HMCN2: variants seen among roughly 807,000 people sequenced by gnomAD.
HMCN2 encodes hemicentin 2.
A neutral mutation model predicts 377.5 loss-of-function variants in HMCN2; 325 were observed. The observed-to-expected ratio is 0.86, with a 90% CI of 0.79 to 0.94. The LOEUF (loss-of-function observed/expected upper bound fraction) is 0.94. Among genes scored for constraint, HMCN2 ranks in the 40% least tolerant of loss-of-function variants. The pLI is 0.00. For missense variants in HMCN2, 4,543 were observed against 4,725.3 expected, an observed-to-expected ratio of 0.96 and a Z score of 1.13; for synonymous variants, 2,007 against 2,046.8, an observed-to-expected ratio of 0.98 and a Z score of 0.53.
chr9:130,409,241 ATGT>A (rs551367372), intron 84 of HMCN2, among the ~76,000 whole-genome samples: 167 of 152,320 alleles, frequency 1.1e-3, no homozygotes, highest in African/African-American at 3.8e-3. Flanking sequence ...TGCCTCCAAA[ATGT>A]TGTTATTAAC....
chr9:130,285,392 C>G, intron 3 of HMCN2, 76 bp downstream of exon 3: 1 of 447,572 alleles, frequency 2.2e-6, no homozygotes, highest in Non-Finnish European at 4.6e-6. Flanking sequence ...CTCTCACCAC[C>G]TGAGCCACCT....
Position 130,303,537 on chromosome 9 carries a change from A to G in HMCN2, c.1472A>G (p.Glu491Gly). The change falls in exon 10 of 98, where the codon GAG becomes GGG. Residue 491 changes from glutamate (E) to glycine (G), a missense_variant. Glu to Gly is a moderately conservative substitution (Grantham distance 98). Transcript: ENST00000683500. The surrounding 1 kb of genome is among the most constrained non-coding windows in gnomAD (Gnocchi z 5.2). ...ATCCTGCGGGCCTCCAAGGCCGAGG[A>G]GGGCACGTACGAGTGCACAGCCGTC... Reference protein sequence around the residue: ...WEILRASKAEEGTYECTAVSR... With the variant: ...WEILRASKAEGGTYECTAVSR... 2.3e-6 allele frequency: 1 copy of G among 433,196 alleles called. No individual in the cohort carries two copies. The highest frequency in any genetic ancestry group is 4.8e-6 in the Non-Finnish European group (1 of 207,348). 26.8% of individuals were successfully genotyped at this position (433,196 alleles called of 1,614,324 possible).
chr9:130,430,074 G>T, intron 94 of HMCN2: 1 of 612,416 alleles, frequency 1.6e-6, no homozygotes. Context: ...TGAGAGCTGG[G>T]GAGGCTGGGC....
intron 57 of HMCN2, among the ~76,000 whole-genome samples, chr9:130,383,856 G>A (rs1293972999): frequency 6.6e-6 from 1 of 152,202 alleles, no homozygotes; most frequent in Non-Finnish European, 1.5e-5. Flanking sequence ...CTGTGTACCT[G>A]ACACGAGGCT....
rs1840809525 is a variant in HMCN2 at position 130,368,326 on chromosome 9, G to A, written c.6676G>A (p.Gly2226Arg). ...TGGCCTCCAGCACGTGTCGGCTGTGGGGAGGCTGTTGTACCTGGGACAGGC... is the reference window on the plus strand; with the variant it reads ...TGGCCTCCAGCACGTGTCGGCTGTGAGGAGGCTGTTGTACCTGGGACAGGC... The part of the protein sequence containing the change: ...GAGLQHVSAV[G>R]RLLYLGQAQL... Residue 2226 changes from glycine to arginine, a missense_variant, in exon 44 of 98, where the codon GGG (glycine) becomes AGG (arginine). Coordinates refer to ENST00000683500, the MANE Select transcript of HMCN2 (RefSeq NM_001291815.2). 8 of 985,662 alleles carry A rather than the reference G, an allele frequency of 8.1e-6. No individual in the cohort carries two copies. In the South Asian group the frequency reaches 3.3e-4, roughly 41 times the overall value. The allele number at this position is 985,662 out of a possible 1,614,324, so 61.1% of individuals were successfully genotyped here.
In HMCN2 at chr9:130,303,942, G is replaced by A. The variant is rs56400273; in HGVS notation, c.1543+334G>A. ...GACAACCTTCGTGCCTCCAAGTCCC[G>A]GCCAGGATGGCGCCATCGAGCTGGG... On this transcript the variant is annotated intron_variant, in intron 10 of 97. Transcript: ENST00000683500. This position sits in a 1 kb window ranked among gnomAD's most constrained non-coding sequence, Gnocchi z 5.2. 0.09 allele frequency among the ~76,000 whole-genome samples: 13,674 copies of A among 152,244 alleles called. 674 individuals are homozygous for A. The highest frequency in any genetic ancestry group is 0.14 in the Middle Eastern group (42 of 294).
intron 96 of HMCN2, 37 bp downstream of exon 96, chr9:130,431,523 G>A: frequency 6.5e-7 from 1 of 1,540,970 alleles, no homozygotes; most frequent in South Asian, 1.2e-5. Flanking sequence ...AACACCCGTG[G>A]GGCTAGGGCA....
rs973534505 is a variant in HMCN2, at chr9:130,366,317, C to T, written c.6625+322C>T. On this transcript the variant is annotated intron_variant, in intron 43 of 97. Coordinates refer to ENST00000683500, the MANE Select transcript of HMCN2 (RefSeq NM_001291815.2). ...AGCCTCCCTGATGCAGTCCCTGTCA[C>T]TTGTCATGTCACCCACATTAGTCTT... Among the ~76,000 whole-genome samples, 3 of 152,310 alleles carry T rather than the reference C, an allele frequency of 2.0e-5. No individual in the cohort carries two copies. The East Asian group carries it at 5.8e-4, about 29-fold the overall frequency.
chr9:130,359,690 C>T (rs1012998685), intron 37 of HMCN2, among the ~76,000 whole-genome samples: 1 of 152,172 alleles, frequency 6.6e-6, no homozygotes, highest in Non-Finnish European at 1.5e-5. Context: ...GGATCAGGAC[C>T]TCAGAGTCAC....
At chr9:130,342,056 T>TAAAAAAAA (rs1228375986) in intron 24 of HMCN2, among the ~76,000 whole-genome samples, 2 of 148,002 alleles carry the variant, frequency 1.4e-5, no homozygotes, top group African/African-American at 4.9e-5. Context: ...AATAAATAAA[T>TAAAAAAAA]AAATAAAAGC....
chr9:130,271,124 G>A (rs550686721), intron 1 of HMCN2, among the ~76,000 whole-genome samples: 2 of 148,502 alleles, frequency 1.3e-5, no homozygotes, highest in South Asian at 2.2e-4. Flanking sequence ...CATTCTCATC[G>A]TCTCATATCA....
intron 15 of HMCN2, among the ~76,000 whole-genome samples, chr9:130,312,600 CTT>C (rs1244240433): frequency 7.3e-5 from 7 of 95,932 alleles, no homozygotes; most frequent in Admixed American, 1.4e-4. Flanking sequence ...TTCTTTCTTT[CTT>C]TCTTTCTTTC....
intron 1 of HMCN2, among the ~76,000 whole-genome samples, chr9:130,277,303 C>T (rs754714993): frequency 1.6e-4 from 25 of 152,322 alleles, no homozygotes; most frequent in Non-Finnish European, 2.5e-4. Context: ...CAGGCCTGCT[C>T]GGAGGGACTG....
rs781663740 is a variant in HMCN2, at chr9:130,354,896, C to T, written c.4998C>T (p.Pro1666=). Residue 1666 remains proline, a synonymous_variant, in exon 32 of 98, where the codon CCC becomes CCT. Coordinates refer to ENST00000683500, the MANE Select transcript of HMCN2 (RefSeq NM_001291815.2). ...PTLSWHHEGL[P]VAESNESRLE... is the part of the protein sequence containing the mutation. ...TCTCCTGGCACCACGAGGGGCTGCC[C>T]GTGGCAGAGAGCAACGAGTCGCGGC... 5 of 1,304,114 alleles carry T rather than the reference C, an allele frequency of 3.8e-6. No homozygotes were observed. Among genetic ancestry groups the T allele is most frequent in the South Asian group, 1.2e-5 (1 of 81,034 alleles). The allele number at this position is 1,304,114 out of a possible 1,614,324, so 80.8% of individuals were successfully genotyped here. A position where few individuals can be genotyped will look rare whatever the true frequency, so the allele number is the denominator to read the frequency against.
chr9:130,272,237 A>T (rs868989534), intron 1 of HMCN2, among the ~76,000 whole-genome samples: 15 of 148,684 alleles, frequency 1.0e-4, no homozygotes, highest in Non-Finnish European at 2.1e-4. Flanking sequence ...AAAAAAATAA[A>T]TTTTTTTGTT....
chr9:130,292,956 CTCTATCTA>C (rs139794898), intron 4 of HMCN2, among the ~76,000 whole-genome samples: 1,756 of 144,758 alleles, frequency 0.012, 18 homozygotes, highest in African/African-American at 0.019. Flanking sequence ...GGATCAATTG[CTCTATCTA>C]TCTATCTATC....
chr9:130,310,442 G>A (rs183445504), intron 15 of HMCN2, among the ~76,000 whole-genome samples: 146 of 152,084 alleles, frequency 9.6e-4, no homozygotes, highest in African/African-American at 3.2e-3. Flanking sequence ...AGGCTCACTC[G>A]TGGGGCTGTT....
chr9:130,277,777 AT>A (rs1834794358), intron 1 of HMCN2, among the ~76,000 whole-genome samples: 2 of 124,494 alleles, frequency 1.6e-5, no homozygotes, highest in African/African-American at 6.2e-5. Context: ...CACCACCATC[AT>A]CATCACCACC....
Position 130,351,639 on chromosome 9 carries a change from G to T in HMCN2, c.4585+62G>T. The T allele has an allele frequency of 8.0e-7, 1 of 1,252,148 alleles. No homozygotes were observed. The highest frequency in any genetic ancestry group is 1.0e-6 in the Non-Finnish European group (1 of 954,816). 77.6% of individuals were successfully genotyped at this position (1,252,148 alleles called of 1,614,324 possible). A position where few individuals can be genotyped will look rare whatever the true frequency, so the allele number is the denominator to read the frequency against. On this transcript the variant is annotated intron_variant, in intron 30 of 97. Coordinates refer to ENST00000683500, the MANE Select transcript of HMCN2 (RefSeq NM_001291815.2). The surrounding 1 kb of genome is among the most constrained non-coding windows in gnomAD (Gnocchi z 5.4). ...TACTCAGGAAGCTTCCCACCCAGCT[G>T]CCCGCTGCCTTAGAGGGAGAGTGAG...
Sources: gnomAD v4.1 joint callset for allele counts (sites outside exome capture counted in the v4.1 genomes callset) on GRCh38, gnomAD v4.1.1 for gene constraint, Gnocchi (gnomAD v3.1) non-coding constraint, MANE v1.5 for transcripts, NCBI Gene and HGNC (gene_info 2026-07-23, HGNC 2026-07-21) for gene names.